The following DPP6 variants were observed in gnomAD, a reference collection of about 807,000 sequenced individuals.
DPP6 encodes the protein dipeptidyl peptidase like 6.
A neutral mutation model predicts 122.6 loss-of-function variants in DPP6; 69 were observed. The ratio of observed to expected loss-of-function variants is 0.56; its 90% confidence interval spans 0.46 to 0.69. The LOEUF is 0.69. Ranked by LOEUF, DPP6 falls within the 30% of genes least tolerant of loss-of-function variation. The pLI, the probability that DPP6 is intolerant of heterozygous loss-of-function variation, is 0.00. For missense variants in DPP6, 928 were observed against 1,116.9 expected (o/e 0.83, Z 2.41); for synonymous variants, 418 against 433.1 (o/e 0.97, Z 0.43).
chr7:154,269,581 T>A (rs903856144), intron 1 of DPP6, among the ~76,000 whole-genome samples: 9 of 152,232 alleles, frequency 5.9e-5, no homozygotes, highest in South Asian at 2.1e-4. Context: ...ATTGATTTGC[T>A]GTCCTGACTT....
At chr7:154,409,248 T>G (rs1354959682) in intron 1 of DPP6, among the ~76,000 whole-genome samples, 1 of 152,166 alleles carries the variant, frequency 6.6e-6, no homozygotes, top group Non-Finnish European at 1.5e-5. Flanking sequence ...TGGACCCTAA[T>G]TCCATATGAC....
At chr7:154,004,000 C>A (rs1797797329) in intron 1 of DPP6, among the ~76,000 whole-genome samples, 1 of 152,088 alleles carries the variant, frequency 6.6e-6, no homozygotes, top group Non-Finnish European at 1.5e-5. Context: ...AGAATTGAGG[C>A]CGTTAGTGCA....
intron 7 of DPP6, among the ~76,000 whole-genome samples, chr7:154,684,975 A>G (rs892943142): frequency 2.0e-5 from 3 of 152,234 alleles, no homozygotes; most frequent in Non-Finnish European, 2.9e-5. Flanking sequence ...ATAACTCCCT[A>G]CAAAAGACTC....
rs191816412 is a variant in DPP6, at chr7:154,628,312, G to A, written c.628-9509G>A. Among the ~76,000 whole-genome samples, 24 of 152,282 alleles carry A rather than the reference G, an allele frequency of 1.6e-4. 1 individual carries two copies. The East Asian group carries it at 3.9e-3, about 24-fold the overall frequency. On this transcript the variant is annotated intron_variant, in intron 5 of 25. Transcript: ENST00000377770. ...TTCCCATGGAAGCAAAAGAGACCAG[G>A]CCTACTGACATGCATGTACTCATGA...
intron 17 of DPP6, among the ~76,000 whole-genome samples, chr7:154,866,442 C>T (rs759137562): frequency 2.0e-5 from 3 of 152,190 alleles, no homozygotes; most frequent in Non-Finnish European, 4.4e-5. Context: ...GTGGAGTGCA[C>T]CTCCCCTAAC....
At chr7:154,337,787 G>A (rs924323102) in intron 1 of DPP6, among the ~76,000 whole-genome samples, 10 of 152,216 alleles carry the variant, frequency 6.6e-5, no homozygotes, top group African/African-American at 2.4e-4. Flanking sequence ...TCACGCCCAG[G>A]GAGAAGGTGG....
chr7:154,410,024 T>C (rs1402411598), intron 1 of DPP6, among the ~76,000 whole-genome samples: 1 of 152,232 alleles, frequency 6.6e-6, no homozygotes, highest in East Asian at 1.9e-4. Flanking sequence ...TTTTCACATT[T>C]ATGATGCTAA....
At chr7:153,967,759 A>G (rs933642043) in intron 1 of DPP6, among the ~76,000 whole-genome samples, 3 of 152,068 alleles carry the variant, frequency 2.0e-5, no homozygotes, top group Non-Finnish European at 4.4e-5. Context: ...CAAACTATTA[A>G]TGAGCTCACG....
chr7:153,841,241 C>T, the DPP6 span, among the ~76,000 whole-genome samples: 2 of 152,160 alleles, frequency 1.3e-5, no homozygotes, highest in African/African-American at 2.4e-5. Flanking sequence ...TATCTCATTG[C>T]TTATACACAA....
chr7:154,235,590 A>G (rs555344898), intron 1 of DPP6, among the ~76,000 whole-genome samples: 1 of 149,910 alleles, frequency 6.7e-6, no homozygotes, highest in Non-Finnish European at 1.5e-5. Context: ...ATAACTACAC[A>G]GTGTTTTAAA....
chr7:154,279,527 A>G (rs973002999), intron 1 of DPP6, among the ~76,000 whole-genome samples: 1 of 152,202 alleles, frequency 6.6e-6, no homozygotes, highest in Non-Finnish European at 1.5e-5. Context: ...AGCAATATGT[A>G]GAGTAGCACG....
intron 7 of DPP6, among the ~76,000 whole-genome samples, chr7:154,703,286 T>A (rs917396252): frequency 6.6e-6 from 1 of 152,190 alleles, no homozygotes; most frequent in African/African-American, 2.4e-5. Context: ...AGCACATGAA[T>A]CATGGAGTCA....
At chr7:154,847,877 G>A (rs542796824) in intron 16 of DPP6, among the ~76,000 whole-genome samples, 5 of 151,996 alleles carry the variant, frequency 3.3e-5, no homozygotes, top group Admixed American at 6.6e-5. Context: ...TTGTTTCTAC[G>A]AAATCAACAT....
At chr7:154,165,859 CAGAA>C (rs1332207146) in intron 1 of DPP6, among the ~76,000 whole-genome samples, 3 of 152,120 alleles carry the variant, frequency 2.0e-5, no homozygotes, top group African/African-American at 7.2e-5. Flanking sequence ...TTTTATTCCT[CAGAA>C]AGAAAGAGGA....
At chr7:154,700,997 C>T (rs537604307) in intron 7 of DPP6, among the ~76,000 whole-genome samples, 2 of 152,240 alleles carry the variant, frequency 1.3e-5, no homozygotes, top group East Asian at 1.9e-4. Flanking sequence ...CCACCCTTGC[C>T]ATCACCATCA....
chr7:154,584,378 C>T (rs538725125), intron 5 of DPP6, among the ~76,000 whole-genome samples: 3 of 152,348 alleles, frequency 2.0e-5, no homozygotes, highest in South Asian at 2.1e-4. Flanking sequence ...TGCACACCCA[C>T]GGGGACCACA....
the DPP6 span, among the ~76,000 whole-genome samples, chr7:153,808,174 C>G: frequency 1.3e-5 from 2 of 151,774 alleles, no homozygotes; most frequent in Middle Eastern, 3.2e-3. Flanking sequence ...CCCATCCTAA[C>G]CTTGTTGCCA....
chr7:153,908,090 C>G (rs1585014666), intron 1 of DPP6, among the ~76,000 whole-genome samples: 1 of 126,724 alleles, frequency 7.9e-6, no homozygotes, highest in South Asian at 2.9e-4. Context: ...TACATTGATA[C>G]AATTCTTTTT....
At chr7:154,639,777 G>A (rs1835950337) in intron 6 of DPP6, among the ~76,000 whole-genome samples, 1 of 152,146 alleles carries the variant, frequency 6.6e-6, no homozygotes, top group African/African-American at 2.4e-5. Flanking sequence ...AATGGAATCA[G>A]AGCAAGAATA....
Sources: allele counts gnomAD v4.1 joint callset (sites outside exome capture counted in the v4.1 genomes callset), GRCh38; gene constraint gnomAD v4.1.1; transcripts MANE v1.5; gene names NCBI Gene and HGNC (gene_info 2026-07-23, HGNC 2026-07-21).